Variants in FOXP1 observed in about 807,000 individuals in gnomAD.
The protein encoded by FOXP1 is forkhead box protein P1.
In FOXP1, 15 loss-of-function variants were observed where a neutral mutation model predicts 98.2. The observed-to-expected ratio is 0.15, with a 90% CI of 0.10 to 0.24. FOXP1 has a LOEUF of 0.24. FOXP1 is among the 10% of genes least tolerant of loss of function. The probability of loss-of-function intolerance (pLI) is 1.00; values close to 1 mark genes in which losing one functional copy is unlikely to be tolerated. For missense variants in FOXP1, 633 were observed against 848.5 expected (o/e 0.75, Z 3.15); for synonymous variants, 371 against 314.5 (o/e 1.18, Z -1.90).
Position 71,160,771 on chromosome 3 carries a change from C to T in FOXP1, c.180+37431G>A, listed in dbSNP as rs1405416257. Among the ~76,000 whole-genome samples the T allele has an allele frequency of 2.0e-5, 3 of 152,142 alleles. No homozygotes were observed. The East Asian group carries it at 5.8e-4, about 29-fold the overall frequency. Reference sequence around the variant, plus strand: ...GGCATCTGTTCTAGAATACTGAAGGCTGAGACTTGAAAAATCAGCCAGATA... The same window carrying T: ...GGCATCTGTTCTAGAATACTGAAGGTTGAGACTTGAAAAATCAGCCAGATA... On this transcript the variant is annotated intron_variant, in intron 6 of 20. Coordinates refer to ENST00000649528, the MANE Select transcript of FOXP1 (RefSeq NM_001349338.3).
intron 4 of FOXP1, among the ~76,000 whole-genome samples, chr3:71,340,539 T>TA (rs1220568039): frequency 6.6e-6 from 1 of 152,038 alleles, no homozygotes; most frequent in Non-Finnish European, 1.5e-5. Context: ...TCTTATTTCT[T>TA]AAAAAAAATA....
intron 4 of FOXP1, among the ~76,000 whole-genome samples, chr3:71,335,861 T>C (rs2076631148): frequency 6.6e-6 from 1 of 151,736 alleles, no homozygotes; most frequent in Non-Finnish European, 1.5e-5. Context: ...AAAAATTAGC[T>C]GGACTTGTTG....
In FOXP1 at chr3:71,501,786, C is replaced by T. The variant is rs144888749; in HGVS notation, c.-297-8231G>A. Reference sequence around the variant, plus strand: ...TCCCAGTGCACACAATCCACCTTCACGTTTCTGAACTCGGTGTCTTTTACA... The same window carrying T: ...TCCCAGTGCACACAATCCACCTTCATGTTTCTGAACTCGGTGTCTTTTACA... On this transcript the variant is annotated intron_variant, in intron 2 of 20. Transcript: ENST00000649528. 1.2e-3 allele frequency among the ~76,000 whole-genome samples: 184 copies of T among 152,288 alleles called. 1 individual carries two copies. The highest frequency in any genetic ancestry group is 3.6e-3 in the African/African-American group (150 of 41,558).
At chr3:71,390,406 C>A (rs953691003) in intron 3 of FOXP1, among the ~76,000 whole-genome samples, 2 of 152,180 alleles carry the variant, frequency 1.3e-5, no homozygotes, top group Admixed American at 6.5e-5. Flanking sequence ...TGCAACCCAC[C>A]TTCTCTGTAA....
intron 3 of FOXP1, among the ~76,000 whole-genome samples, chr3:71,361,176 G>A (rs1045171850): frequency 6.6e-5 from 10 of 152,074 alleles, no homozygotes; most frequent in South Asian, 6.2e-4. Flanking sequence ...GGCTGTAATC[G>A]TTCAAACTTA....
intron 3 of FOXP1, among the ~76,000 whole-genome samples, chr3:71,383,837 G>A (rs1465844625): frequency 6.6e-6 from 1 of 152,182 alleles, no homozygotes; most frequent in Non-Finnish European, 1.5e-5. Flanking sequence ...AATGAGAGGT[G>A]AGAAGATAGA....
chr3:71,064,895 T>C, intron 7 of FOXP1: 1 of 801,812 alleles, frequency 1.2e-6, no homozygotes, highest in African/African-American at 1.9e-5. Context: ...GGGCGTGGGG[T>C]CCGGCGGCCT....
chr3:71,131,403 C>CAAAAAAAAA (rs10681690), intron 6 of FOXP1, among the ~76,000 whole-genome samples: 5 of 126,474 alleles, frequency 4.0e-5, no homozygotes, highest in Non-Finnish European at 6.4e-5. Flanking sequence ...TATTCAATAA[C>CAAAAAAAAA]AAAAAAAAAA....
At chr3:71,089,036 T>C (rs981609199) in intron 7 of FOXP1, among the ~76,000 whole-genome samples, 6 of 152,212 alleles carry the variant, frequency 3.9e-5, no homozygotes. Context: ...ACAATTACAC[T>C]GACTTGCTCT....
chr3:70,985,628 A>C (rs1165262089), intron 14 of FOXP1, among the ~76,000 whole-genome samples: 2 of 152,216 alleles, frequency 1.3e-5, no homozygotes, highest in Admixed American at 6.5e-5. Flanking sequence ...TGTAAGTTAA[A>C]GGATAAGGAA....
At chr3:71,014,706 G>A (rs953922743) in intron 12 of FOXP1, among the ~76,000 whole-genome samples, 22 of 152,118 alleles carry the variant, frequency 1.4e-4, no homozygotes, top group East Asian at 3.9e-4. Context: ...TGTTTATTGC[G>A]GCACTATTCA....
chr3:71,580,172 CAAA>C (rs78002378), intron 2 of FOXP1, among the ~76,000 whole-genome samples: 6 of 127,774 alleles, frequency 4.7e-5, no homozygotes, highest in African/African-American at 2.9e-5. Flanking sequence ...TTTACTTTTC[CAAA>C]AAAAAAAAAA....
In FOXP1 at chr3:70,965,913, T is replaced by G; in HGVS notation, c.1866A>C (p.Pro622=). ...ACACGGCTTGCATAGGAGATCTGCC[T>G]GGACTGCTGTCACTCTCGTTGCTGT... is the stretch of plus-strand genomic sequence containing the variant. ...HTNSNESDSS[P]GRSPMQAVHP... Residue 622 remains proline, a synonymous_variant, in exon 20 of 21, where the codon CCA becomes CCC. Coordinates refer to ENST00000649528, the MANE Select transcript of FOXP1 (RefSeq NM_001349338.3). The G allele has an allele frequency of 6.2e-7, 1 of 1,614,102 alleles. No homozygotes were observed. Among genetic ancestry groups the G allele is most frequent in the Non-Finnish European group, 8.5e-7 (1 of 1,180,022 alleles).
At chr3:70,981,018 G>C (rs1366940297) in intron 14 of FOXP1, among the ~76,000 whole-genome samples, 2 of 152,072 alleles carry the variant, frequency 1.3e-5, no homozygotes, top group Non-Finnish European at 2.9e-5. Flanking sequence ...AGTTAACTGA[G>C]TTCCAGTTTC....
chr3:71,256,194 C>T lies in FOXP1; in HGVS notation c.-12+43626G>A, dbSNP rs985526144. On this transcript the variant is annotated intron_variant, in intron 5 of 20. Coordinates refer to ENST00000649528, the MANE Select transcript of FOXP1 (RefSeq NM_001349338.3). ...GCAAAGCTGGAAGGTTTCCTCACATCGTCAAAGACAGAGTCAATAGCCTGC... is the reference window on the plus strand; with the variant it reads ...GCAAAGCTGGAAGGTTTCCTCACATTGTCAAAGACAGAGTCAATAGCCTGC... Among the ~76,000 whole-genome samples the T allele has an allele frequency of 5.3e-5, 8 of 152,110 alleles. 1 individual carries two copies. The highest frequency in any genetic ancestry group is 1.9e-4 in the African/African-American group (8 of 41,432).
chr3:71,140,963 A>C (rs2060039265), intron 6 of FOXP1, among the ~76,000 whole-genome samples: 1 of 151,950 alleles, frequency 6.6e-6, no homozygotes, highest in South Asian at 2.1e-4. Context: ...AAAAAAAAAA[A>C]AATTGCCAAG....
At chr3:71,266,880 T>C (rs2107247617) in intron 5 of FOXP1, among the ~76,000 whole-genome samples, 1 of 152,352 alleles carries the variant, frequency 6.6e-6, no homozygotes, top group East Asian at 1.9e-4. Context: ...GCTCCATCCA[T>C]GTTGCAGTAA....
At chr3:71,239,609 T>C (rs2067082841) in intron 5 of FOXP1, among the ~76,000 whole-genome samples, 1 of 152,124 alleles carries the variant, frequency 6.6e-6, no homozygotes, top group Non-Finnish European at 1.5e-5. Context: ...AAAAGTATAA[T>C]ATTGGATATG....
At chr3:71,182,502 A>ATGTGTGTGTGTGTGTGTG (rs1234678062) in intron 6 of FOXP1, among the ~76,000 whole-genome samples, 1 of 133,668 alleles carries the variant, frequency 7.5e-6, no homozygotes, top group African/African-American at 2.8e-5. Context: ...AACTATATAT[A>ATGTGTGTGTGTGTGTGTG]TGTGTGTGTG....
Sources: gnomAD v4.1 joint callset for allele counts (sites outside exome capture counted in the v4.1 genomes callset) on GRCh38, gnomAD v4.1.1 for gene constraint, MANE v1.5 for transcripts, NCBI Gene and HGNC (gene_info 2026-07-23, HGNC 2026-07-21) for gene names.